Variants in OPCML observed in about 807,000 individuals in gnomAD.
The protein encoded by OPCML is opioid-binding protein/cell adhesion molecule.
A neutral mutation model predicts 37.8 loss-of-function variants in OPCML; 13 were observed. That is an observed-to-expected ratio of 0.34 (90% CI 0.22 to 0.55). The LOEUF is 0.55. Ranked by LOEUF, OPCML falls within the 20% of genes least tolerant of loss-of-function variation. OPCML has a pLI of 0.91. For synonymous variants in OPCML, 176 were observed against 168.8 expected (o/e 1.04, Z -0.33); for missense variants, 341 against 435.6 (o/e 0.78, Z 1.93).
chr11:133,316,120 A>C (rs1463777924), intron 1 of OPCML, among the ~76,000 whole-genome samples: 1 of 152,172 alleles, frequency 6.6e-6, no homozygotes, highest in Non-Finnish European at 1.5e-5. Context: ...TGAAAATGTG[A>C]GTATCTGGAG....
Position 132,837,678 on chromosome 11 carries a change from C to G in OPCML, c.146+105248G>C, listed in dbSNP as rs548598566. On this transcript the variant is annotated intron_variant, in intron 2 of 7. Transcript: ENST00000524381. ...AGCAAGGGGCCAAGGTCAGTTCTCC[C>G]TGGGGAGAGGAAACAGGAAAGACTC... Among the ~76,000 whole-genome samples, 5 of 152,288 alleles carry G rather than the reference C, an allele frequency of 3.3e-5. No individual in the cohort carries two copies. In the East Asian group the frequency reaches 9.7e-4, roughly 29 times the overall value.
chr11:133,339,518 A>T (rs981801990), intron 1 of OPCML, among the ~76,000 whole-genome samples: 1 of 151,942 alleles, frequency 6.6e-6, no homozygotes, highest in Non-Finnish European at 1.5e-5. Context: ...CTTCCATTCT[A>T]CCCAGGCCAG....
intron 1 of OPCML, among the ~76,000 whole-genome samples, chr11:133,045,509 T>C (rs1449765464): frequency 1.3e-5 from 2 of 152,188 alleles, no homozygotes; most frequent in Non-Finnish European, 2.9e-5. Context: ...TGTAGCACCG[T>C]CATTGGAGAG....
chr11:132,638,505 G>A (rs1940662765), intron 3 of OPCML, among the ~76,000 whole-genome samples: 1 of 152,180 alleles, frequency 6.6e-6, no homozygotes. Context: ...ACAGGGGCTT[G>A]AATTCTGCTA....
chr11:133,454,459 A>G (rs975439821), intron 1 of OPCML, among the ~76,000 whole-genome samples: 2 of 152,186 alleles, frequency 1.3e-5, no homozygotes, highest in Admixed American at 6.5e-5. Context: ...AAGTGCTTAG[A>G]ATATTGGAAA....
intron 1 of OPCML, among the ~76,000 whole-genome samples, chr11:133,133,847 G>A (rs897712930): frequency 1.3e-5 from 2 of 151,936 alleles, no homozygotes; most frequent in African/African-American, 4.8e-5. Context: ...TCATTCATTC[G>A]GGGGGGAAAA....
At chr11:132,859,391 A>G (rs191449705) in intron 2 of OPCML, 9 of 152,230 alleles carry the variant, frequency 5.9e-5, no homozygotes, top group South Asian at 2.1e-4. Flanking sequence ...ACTTATTTCA[A>G]TTGCCTGGAC....
intron 1 of OPCML, among the ~76,000 whole-genome samples, chr11:133,317,727 A>G (rs1347689266): frequency 6.6e-6 from 1 of 152,192 alleles, no homozygotes; most frequent in Non-Finnish European, 1.5e-5. Flanking sequence ...AGATGAGATA[A>G]TTCAGCAACA....
At chr11:133,152,150 A>G (rs1290269823) in intron 1 of OPCML, among the ~76,000 whole-genome samples, 1 of 152,182 alleles carries the variant, frequency 6.6e-6, no homozygotes, top group Non-Finnish European at 1.5e-5. Context: ...CCTCCTTCAG[A>G]ATCCAAACCG....
chr11:132,903,068 C>G (rs564178511), intron 2 of OPCML, among the ~76,000 whole-genome samples: 11 of 152,260 alleles, frequency 7.2e-5, no homozygotes, highest in African/African-American at 2.6e-4. Flanking sequence ...TGTCTACATC[C>G]CCCATTTACC....
At chr11:133,415,633 G>A (rs749276553) in intron 1 of OPCML, among the ~76,000 whole-genome samples, 18 of 152,122 alleles carry the variant, frequency 1.2e-4, no homozygotes, top group East Asian at 3.9e-4. Flanking sequence ...CCTGATCCCC[G>A]GAACCTGTGC....
At chr11:132,432,471 C>T (rs2096000482) in intron 7 of OPCML, among the ~76,000 whole-genome samples, 1 of 152,180 alleles carries the variant, frequency 6.6e-6, no homozygotes, top group South Asian at 2.1e-4. Flanking sequence ...AAAATGCCTT[C>T]ACTGATTAAA....
At chr11:133,307,580 C>T (rs1198823915) in intron 1 of OPCML, among the ~76,000 whole-genome samples, 3 of 152,136 alleles carry the variant, frequency 2.0e-5, no homozygotes, top group Admixed American at 1.3e-4. Context: ...TCCTTCCTGA[C>T]TCAGGTCAAA....
At chr11:133,328,673 G>A (rs1019923591) in intron 1 of OPCML, among the ~76,000 whole-genome samples, 1 of 152,032 alleles carries the variant, frequency 6.6e-6, no homozygotes, top group Non-Finnish European at 1.5e-5. Context: ...TGTTTTGATG[G>A]GACATATCTC....
intron 3 of OPCML, among the ~76,000 whole-genome samples, chr11:132,579,634 T>C (rs1420869106): frequency 1.3e-5 from 2 of 152,104 alleles, no homozygotes; most frequent in Non-Finnish European, 2.9e-5. Flanking sequence ...TCCCAGGACC[T>C]GAAGAATTCA....
intron 2 of OPCML, among the ~76,000 whole-genome samples, chr11:132,694,920 T>C (rs1309624687): frequency 6.6e-6 from 1 of 152,012 alleles, no homozygotes; most frequent in African/African-American, 2.4e-5. Flanking sequence ...AGACTACGTA[T>C]GATAGAGAGA....
intron 1 of OPCML, among the ~76,000 whole-genome samples, chr11:132,965,064 T>G (rs1160313369): frequency 6.6e-6 from 1 of 152,220 alleles, no homozygotes; most frequent in Admixed American, 6.5e-5. Context: ...TTCTACACTT[T>G]TCTGTATCTC....
chr11:132,421,927 T>C (rs1449871507), intron 7 of OPCML, among the ~76,000 whole-genome samples: 1 of 152,154 alleles, frequency 6.6e-6, no homozygotes, highest in African/African-American at 2.4e-5. Flanking sequence ...ATGAGTGATT[T>C]AGGTTTTTAA....
chr11:132,985,181 A>G (rs1946663564), intron 1 of OPCML, among the ~76,000 whole-genome samples: 1 of 152,146 alleles, frequency 6.6e-6, no homozygotes, highest in African/African-American at 2.4e-5. Flanking sequence ...AAATTTATCA[A>G]CTTGAAACAA....
Sources: gnomAD v4.1 joint callset for allele counts (sites outside exome capture counted in the v4.1 genomes callset) on GRCh38, gnomAD v4.1.1 for gene constraint, MANE v1.5 for transcripts, NCBI Gene and HGNC (gene_info 2026-07-23, HGNC 2026-07-21) for gene names.